CSNK1E: variants seen among roughly 807,000 people sequenced by gnomAD.
The protein encoded by CSNK1E is casein kinase I isoform epsilon.
In CSNK1E, 17 loss-of-function variants were observed where a neutral mutation model predicts 46.1. The observed-to-expected ratio is 0.37, with a 90% CI of 0.25 to 0.55. The LOEUF (loss-of-function observed/expected upper bound fraction) is 0.55. Ranked by LOEUF, CSNK1E falls within the 20% of genes least tolerant of loss-of-function variation. The pLI is 0.82. For synonymous variants in CSNK1E, 241 were observed against 242.6 expected (o/e 0.99, Z 0.06); for missense variants, 386 against 595.4 (o/e 0.65, Z 3.66).
chr22:38,311,364 T>C (rs1013438449), intron 2 of CSNK1E, among the ~76,000 whole-genome samples: 1 of 152,206 alleles, frequency 6.6e-6, no homozygotes, highest in African/African-American at 2.4e-5. Context: ...ACTTAGTTTT[T>C]AAAATGAATG....
At position 38,300,148 on chromosome 22, in the gene CSNK1E, T is replaced by C. The variant is rs56360388; in HGVS notation, c.566-83A>G. ...ATCCTCTGGGTCATGCTCCTCACAA[T>C]GCACCAGGACCCTCCTGCCCCCACG... On this transcript the variant is annotated intron_variant, in intron 5 of 10. Coordinates refer to ENST00000396832, the MANE Select transcript of CSNK1E (RefSeq NM_152221.3). The surrounding 1 kb of genome is among the most constrained non-coding windows in gnomAD (Gnocchi z 4.4). 3,364 of 1,375,362 alleles carry C rather than the reference T, an allele frequency of 2.4e-3. 11 individuals carry two copies. The highest frequency in any genetic ancestry group is 2.4e-3 in the Non-Finnish European group (2,423 of 998,232). The allele number at this position is 1,375,362 out of a possible 1,614,324, so 85.2% of individuals were successfully genotyped here.
At chr22:38,292,728 C>T (rs1410717834) in intron 10 of CSNK1E, 2 of 153,210 alleles carry the variant, frequency 1.3e-5, no homozygotes, top group East Asian at 1.9e-4. Flanking sequence ...TTCCATACCC[C>T]GCCTCAAGGC....
At chr22:38,295,441 G>A in intron 7 of CSNK1E, 3 of 976,260 alleles carry the variant, frequency 3.1e-6, no homozygotes, top group Non-Finnish European at 3.7e-6. Context: ...CAGGAAGGGG[G>A]CCGCATCTGT....
chr22:38,294,479 T>G lies in CSNK1E; in HGVS notation c.941A>C (p.Glu314Ala). ...VDRERREHER[E>A]ERMGQLRGSA... The stretch of plus-strand genomic sequence containing the variant: ...CCCCCGTAGCTGCCCCATCCTCTCC[T>G]CGCGTTCGTGTTCTCGCCGCTCCCG... The change falls in exon 8 of 11, where the codon GAG becomes GCG. Residue 314 changes from glutamate (E) to alanine (A), a missense_variant. Glu to Ala is a moderately radical substitution (Grantham distance 107, BLOSUM62 -1). Transcript: ENST00000396832. The surrounding 1 kb of genome is among the most constrained non-coding windows in gnomAD (Gnocchi z 5.5). 1 of 1,593,446 alleles carries G rather than the reference T, an allele frequency of 6.3e-7. No individual in the cohort carries two copies. Among genetic ancestry groups the G allele is most frequent in the African/African-American group, 1.3e-5 (1 of 74,186 alleles).
chr22:38,303,115 G>A lies in CSNK1E; in HGVS notation c.187+23C>T, dbSNP rs28496851. On this transcript the variant is annotated intron_variant, in intron 3 of 10. Coordinates refer to ENST00000396832, the MANE Select transcript of CSNK1E (RefSeq NM_152221.3). This position sits in a 1 kb window ranked among gnomAD's most constrained non-coding sequence, Gnocchi z 4.7. ...GCCCACCGCCACCCACCCGGCGCCCGCCGCCGCCCACCCTGCGCTCACCGC... is the reference window on the plus strand; with the variant it reads ...GCCCACCGCCACCCACCCGGCGCCCACCGCCGCCCACCCTGCGCTCACCGC... 0.018 allele frequency: 14,413 copies of A among 812,262 alleles called. 392 individuals carry two copies. The highest frequency in any genetic ancestry group is 0.091 in the African/African-American group (5,378 of 58,812). 50.3% of individuals were successfully genotyped at this position (812,262 alleles called of 1,614,324 possible). A position where few individuals can be genotyped will look rare whatever the true frequency, so the allele number is the denominator to read the frequency against.
In CSNK1E at chr22:38,314,181, G is replaced by A. The variant is rs1307769065; in HGVS notation, c.-12-12C>T. Reference sequence around the variant, plus strand: ...ATGGCTCACTCTTGCTGCAGAGGAAGCAGGAACATGAGGGTCAGCGACGTG... The same window carrying A: ...ATGGCTCACTCTTGCTGCAGAGGAAACAGGAACATGAGGGTCAGCGACGTG... On this transcript the variant is annotated splice_polypyrimidine_tract_variant and intron_variant, in intron 1 of 10. Transcript: ENST00000396832. 6.2e-6 allele frequency: 10 copies of A among 1,611,452 alleles called. No individual in the cohort carries two copies. Among genetic ancestry groups the A allele is most frequent in the African/African-American group, 2.7e-5 (2 of 74,872 alleles).
intron 2 of CSNK1E, among the ~76,000 whole-genome samples, chr22:38,312,160 C>T (rs1427109432): frequency 6.6e-6 from 1 of 152,182 alleles, no homozygotes; most frequent in Non-Finnish European, 1.5e-5. Flanking sequence ...GTGATCTCAG[C>T]TCACTGTAGC....
chr22:38,296,892 A>C, intron 7 of CSNK1E: 1 of 628,076 alleles, frequency 1.6e-6, no homozygotes, highest in East Asian at 2.8e-5. Context: ...CTCCTGCCTC[A>C]GCCTCCCAAG....
At chr22:38,301,073 A>T in intron 4 of CSNK1E, 121 bp from the exon 5 acceptor site, 1 of 762,384 alleles carries the variant, frequency 1.3e-6, no homozygotes, top group South Asian at 1.7e-5. Context: ...TTCGACCATG[A>T]AGGATAACTA....
At position 38,298,946 on chromosome 22, in the gene CSNK1E, T is replaced by A; in HGVS notation, c.737-12A>T. 1 of 1,614,056 alleles carries A rather than the reference T, an allele frequency of 6.2e-7. No individual in the cohort carries two copies. The highest frequency in any genetic ancestry group is 8.5e-7 in the Non-Finnish European group (1 of 1,179,968). On this transcript the variant is annotated splice_polypyrimidine_tract_variant and intron_variant, in intron 6 of 10. Transcript: ENST00000396832. The surrounding 1 kb of genome is among the most constrained non-coding windows in gnomAD (Gnocchi z 4.2). ...TGTTGAGAATTCGGCTGGAGGGTGT[T>A]GCAGAGGATAGAGAAGGCCACTGTG...
Position 38,303,761 on chromosome 22 carries a change from A to G in CSNK1E, c.77-513T>C, listed in dbSNP as rs972818973. On this transcript the variant is annotated intron_variant, in intron 2 of 10. Transcript: ENST00000396832. This position sits in a 1 kb window ranked among gnomAD's most constrained non-coding sequence, Gnocchi z 4.7. ...GATGCCTTCAGAGGCAGCCCTGCAC[A>G]TTCTAATCCAGTGTCTCATTCGATT... 1.3e-5 allele frequency among the ~76,000 whole-genome samples: 2 copies of G among 152,144 alleles called. No homozygotes were observed. The highest frequency in any genetic ancestry group is 2.9e-5 in the Non-Finnish European group (2 of 68,002).
In CSNK1E at chr22:38,302,945, C is replaced by A; in HGVS notation, c.252G>T (p.Leu84=). The change falls in exon 4 of 11, where the codon CTG becomes CTT. Residue 84 remains leucine (L), a synonymous_variant. Transcript: ENST00000396832. ...EGDYNVMVME[L]LGPSLEDLFN... ...ACAGGTCCTCGAGGCTAGGCCCCAGCAGCTCCATGACCATCACGTTGTAGT... is the reference window on the plus strand; with the variant it reads ...ACAGGTCCTCGAGGCTAGGCCCCAGAAGCTCCATGACCATCACGTTGTAGT... The A allele has an allele frequency of 1.2e-6, 2 of 1,614,168 alleles. No homozygotes were observed. Among genetic ancestry groups the A allele is most frequent in the South Asian group, 1.1e-5 (1 of 91,084 alleles).
chr22:38,315,865 T>A (rs1184668371), intron 1 of CSNK1E, among the ~76,000 whole-genome samples: 3 of 151,962 alleles, frequency 2.0e-5, no homozygotes, highest in African/African-American at 7.3e-5. Flanking sequence ...CTCTCCCCAC[T>A]CACCGGCTGT....
rs1219623746 is a variant in CSNK1E, at chr22:38,303,393, G to T, written c.77-145C>A. 14 of 685,974 alleles carry T rather than the reference G, an allele frequency of 2.0e-5. No homozygotes were observed. The highest frequency in any genetic ancestry group is 3.4e-5 in the Non-Finnish European group (14 of 415,514). The allele number at this position is 685,974 out of a possible 1,614,324, so 42.5% of individuals were successfully genotyped here. A position where few individuals can be genotyped will look rare whatever the true frequency, so the allele number is the denominator to read the frequency against. On this transcript the variant is annotated intron_variant, in intron 2 of 10. Transcript: ENST00000396832. This position sits in a 1 kb window ranked among gnomAD's most constrained non-coding sequence, Gnocchi z 4.7. ...GGAGCTCTTGGGGGAGGCTGGGAAG[G>T]GGGCAAAGGAGCCCCGGCAAAGGGT...
At position 38,300,099 on chromosome 22, in the gene CSNK1E, G is replaced by T; in HGVS notation, c.566-34C>A. 1 of 1,604,524 alleles carries T rather than the reference G, an allele frequency of 6.2e-7. No homozygotes were observed. ...AGAGTCAAAGACTAGGTGAGGGACA[G>T]GGGTCCACTCAGGCCCCTAACTCAT... On this transcript the variant is annotated intron_variant, in intron 5 of 10. Coordinates refer to ENST00000396832, the MANE Select transcript of CSNK1E (RefSeq NM_152221.3). This position sits in a 1 kb window ranked among gnomAD's most constrained non-coding sequence, Gnocchi z 4.4.
chr22:38,314,623 G>A (rs2092735617), intron 1 of CSNK1E, among the ~76,000 whole-genome samples: 1 of 152,146 alleles, frequency 6.6e-6, no homozygotes, highest in African/African-American at 2.4e-5. Flanking sequence ...GAATGCCCTC[G>A]ACCATCCACC....
At chr22:38,302,812 T>C in intron 4 of CSNK1E, 49 bp downstream of exon 4, 1 of 1,607,472 alleles carries the variant, frequency 6.2e-7, no homozygotes, top group South Asian at 1.1e-5. Context: ...AGGGCTGGTA[T>C]CCTGGGCCCA....
chr22:38,301,961 C>T (rs1239593204), intron 4 of CSNK1E, among the ~76,000 whole-genome samples: 1 of 152,148 alleles, frequency 6.6e-6, no homozygotes, highest in African/African-American at 2.4e-5. Flanking sequence ...CAAAATTCTA[C>T]AGTTTTGTAT....
intron 1 of CSNK1E, among the ~76,000 whole-genome samples, chr22:38,316,373 C>G (rs2092745923): frequency 1.3e-5 from 2 of 152,166 alleles, no homozygotes; most frequent in Admixed American, 6.5e-5. Flanking sequence ...GTCCCCTTCT[C>G]CTCTCTCCAA....
Sources: gnomAD v4.1 joint callset for allele counts (sites outside exome capture counted in the v4.1 genomes callset) on GRCh38, gnomAD v4.1.1 for gene constraint, Gnocchi (gnomAD v3.1) non-coding constraint, MANE v1.5 for transcripts, NCBI Gene and HGNC (gene_info 2026-07-23, HGNC 2026-07-21) for gene names.